Variants in FARSB observed in about 807,000 individuals in gnomAD.
FARSB encodes phenylalanyl-tRNA synthetase subunit beta, also known as phenylalanine--tRNA ligase beta subunit.
FARSB carries 40 observed loss-of-function variants against 69.6 expected under a neutral mutation model. The observed-to-expected ratio is 0.57, with a 90% CI of 0.45 to 0.75. The LOEUF is 0.75. Among genes scored for constraint, FARSB ranks in the 30% least tolerant of loss-of-function variants. The pLI is 0.00. For synonymous variants in FARSB, 235 were observed against 247.2 expected, an observed-to-expected ratio of 0.95 and a Z score of 0.46; for missense variants, 632 against 722.9, an observed-to-expected ratio of 0.87 and a Z score of 1.44.
intron 13 of FARSB, among the ~76,000 whole-genome samples, chr2:222,622,428 G>A (rs990482897): frequency 1.2e-4 from 18 of 152,300 alleles, no homozygotes; most frequent in Admixed American, 5.2e-4. Context: ...AAGAGGATTC[G>A]AAGTGGGGAA....
chr2:222,616,290 T>TAA (rs568920820), intron 14 of FARSB, among the ~76,000 whole-genome samples: 35 of 148,576 alleles, frequency 2.4e-4, no homozygotes, highest in African/African-American at 7.9e-4. Context: ...CTCAAACTGT[T>TAA]AAAAAAAAAA....
In FARSB at chr2:222,652,408, C is replaced by T. The variant is rs187806118; in HGVS notation, c.58+3608G>A. Among the ~76,000 whole-genome samples the T allele has an allele frequency of 7.4e-4, 113 of 152,260 alleles. 1 individual carries two copies. Among genetic ancestry groups the T allele is most frequent in the Non-Finnish European group, 2.8e-4 (19 of 68,030 alleles). On this transcript the variant is annotated intron_variant, in intron 1 of 16. Coordinates refer to ENST00000281828, the MANE Select transcript of FARSB (RefSeq NM_005687.5). ...TTCACACCCTTGTACTGTTCCCTTC[C>T]ACATTGTGCTAGGATTGGTCTGTGA...
chr2:222,611,888 C>T (rs977498444), intron 15 of FARSB, among the ~76,000 whole-genome samples: 8 of 152,174 alleles, frequency 5.3e-5, no homozygotes, highest in African/African-American at 1.4e-4. Flanking sequence ...CCCACAGAAC[C>T]GTGCATGGCC....
At position 222,654,464 on chromosome 2, in the gene FARSB, A is replaced by G. The variant is rs556372564; in HGVS notation, c.58+1552T>C. ...CTCATTATGTATATGCAAATATCCC[A>G]AAATCCAAAATCCAAGACGCTTCTG... On this transcript the variant is annotated intron_variant, in intron 1 of 16. Coordinates refer to ENST00000281828, the MANE Select transcript of FARSB (RefSeq NM_005687.5). Among the ~76,000 whole-genome samples the G allele has an allele frequency of 7.2e-5, 11 of 152,380 alleles. No homozygotes were observed. The East Asian group carries it at 1.7e-3, about 24-fold the overall frequency.
At chr2:222,648,455 G>C (rs1691928345) in intron 2 of FARSB, among the ~76,000 whole-genome samples, 1 of 152,108 alleles carries the variant, frequency 6.6e-6, no homozygotes, top group Non-Finnish European at 1.5e-5. Flanking sequence ...CCAAAGGAGG[G>C]AGCTTACTTT....
intron 14 of FARSB, among the ~76,000 whole-genome samples, chr2:222,614,250 T>C (rs1178812993): frequency 6.6e-6 from 1 of 152,206 alleles, no homozygotes; most frequent in African/African-American, 2.4e-5. Flanking sequence ...TTATCATTCA[T>C]TATTTTATTT....
rs542873258 is a variant in FARSB at position 222,651,910 on chromosome 2, G to A, written c.59-3115C>T. On this transcript the variant is annotated intron_variant, in intron 1 of 16. Coordinates refer to ENST00000281828, the MANE Select transcript of FARSB (RefSeq NM_005687.5). Reference sequence around the variant, plus strand: ...GAGGGGTGGAAACCAAGAGCCTAGAGGGCAGGGCAGACAGCCATGGAGAAT... The same window carrying A: ...GAGGGGTGGAAACCAAGAGCCTAGAAGGCAGGGCAGACAGCCATGGAGAAT... 3.9e-5 allele frequency among the ~76,000 whole-genome samples: 6 copies of A among 152,342 alleles called. No homozygotes were observed. In the South Asian group the frequency reaches 8.3e-4, roughly 21 times the overall value.
rs552694263 is a variant in FARSB at position 222,612,086 on chromosome 2, C to T, written c.1462+1725G>A. ...AGAAATAAGATGAATGGAAACAACT[C>T]AAGGCTAACAGAAAAATTTGACAAT... On this transcript the variant is annotated intron_variant, in intron 15 of 16. Transcript: ENST00000281828. Among the ~76,000 whole-genome samples the T allele has an allele frequency of 1.3e-5, 2 of 152,172 alleles. 1 individual carries two copies. Among genetic ancestry groups the T allele is most frequent in the Non-Finnish European group, 2.9e-5 (2 of 68,026 alleles).
At chr2:222,649,616 C>A (rs1691974471) in intron 1 of FARSB, among the ~76,000 whole-genome samples, 1 of 152,174 alleles carries the variant, frequency 6.6e-6, no homozygotes, top group South Asian at 2.1e-4. Flanking sequence ...TTACAGCTGC[C>A]TCATCTATAA....
intron 16 of FARSB, among the ~76,000 whole-genome samples, chr2:222,583,056 GAAC>G (rs1197003262): frequency 1.3e-5 from 2 of 152,134 alleles, no homozygotes; most frequent in African/African-American, 4.8e-5. Flanking sequence ...AGAGGGAGTT[GAAC>G]AACAAGAACA....
At chr2:222,654,118 C>A (rs1382387096) in intron 1 of FARSB, among the ~76,000 whole-genome samples, 1 of 152,080 alleles carries the variant, frequency 6.6e-6, no homozygotes, top group Non-Finnish European at 1.5e-5. Context: ...GGGATGGGAA[C>A]TGATTATAGA....
intron 5 of FARSB, among the ~76,000 whole-genome samples, chr2:222,636,790 C>A (rs1408388355): frequency 1.3e-5 from 2 of 152,182 alleles, no homozygotes; most frequent in East Asian, 3.9e-4. Context: ...AAAAACCACT[C>A]TTCAGAGAAA....
intron 6 of FARSB, among the ~76,000 whole-genome samples, chr2:222,634,043 T>A (rs761880413): frequency 2.0e-4 from 30 of 152,202 alleles, no homozygotes; most frequent in African/African-American, 6.3e-4. Flanking sequence ...TAATGGGAGA[T>A]AGACAGCTTG....
At chr2:222,653,657 G>T (rs895143374) in intron 1 of FARSB, among the ~76,000 whole-genome samples, 1 of 150,278 alleles carries the variant, frequency 6.7e-6, no homozygotes, top group Non-Finnish European at 1.5e-5. Flanking sequence ...CTGAGACAGG[G>T]TCTCACTTTG....
In FARSB at chr2:222,569,035, C is replaced by T. The variant is rs1324692323; in HGVS notation, c.*2836G>A. 2.0e-5 allele frequency: 3 copies of T among 152,202 alleles called. No individual in the cohort carries two copies. The highest frequency in any genetic ancestry group is 2.9e-5 in the Non-Finnish European group (2 of 68,036). 9.4% of individuals were successfully genotyped at this position (152,202 alleles called of 1,614,324 possible). On this transcript the variant is annotated 3_prime_UTR_variant, in exon 17 of 17. Coordinates refer to ENST00000281828, the MANE Select transcript of FARSB (RefSeq NM_005687.5). ...CTTTTGGCAGTACTCACAGACTGCC[C>T]TGGCTCCAGTTCAAATGCTTCACCA...
At chr2:222,604,227 A>C (rs1394840636) in intron 15 of FARSB, among the ~76,000 whole-genome samples, 1 of 152,278 alleles carries the variant, frequency 6.6e-6, no homozygotes, top group East Asian at 1.9e-4. Context: ...TAAAAAAAAA[A>C]AAAAAAAGAT....
intron 16 of FARSB, among the ~76,000 whole-genome samples, chr2:222,587,852 T>C (rs1690159922): frequency 6.6e-6 from 1 of 152,160 alleles, no homozygotes; most frequent in Admixed American, 6.5e-5. Context: ...GCTCTGAAAT[T>C]GAGGCAATAA....
At chr2:222,572,835 A>C (rs956232195) in intron 16 of FARSB, among the ~76,000 whole-genome samples, 2 of 152,242 alleles carry the variant, frequency 1.3e-5, no homozygotes, top group Non-Finnish European at 2.9e-5. Context: ...CATATTCATG[A>C]AATTACCAGT....
intron 14 of FARSB, among the ~76,000 whole-genome samples, chr2:222,614,159 T>C (rs929646602): frequency 3.3e-5 from 5 of 152,224 alleles, no homozygotes; most frequent in African/African-American, 1.2e-4. Context: ...TGAAAAATCA[T>C]AAATTTGATT....
Sources: gnomAD v4.1 joint callset for allele counts (sites outside exome capture counted in the v4.1 genomes callset) on GRCh38, gnomAD v4.1.1 for gene constraint, MANE v1.5 for transcripts, NCBI Gene and HGNC (gene_info 2026-07-23, HGNC 2026-07-21) for gene names.